Variants in ABCA1 observed in about 807,000 individuals in gnomAD.
ABCA1 encodes the protein phospholipid-transporting ATPase ABCA1.
ABCA1 carries 133 observed loss-of-function variants against 262.5 expected under a neutral mutation model. The ratio of observed to expected loss-of-function variants is 0.51; its 90% CI spans 0.44 to 0.59. ABCA1 has a LOEUF of 0.59. ABCA1 is among the 20% of genes least tolerant of loss of function. The pLI is 0.00. For missense variants in ABCA1, 2,452 were observed against 2,777.5 expected (o/e 0.88, Z 2.63); for synonymous variants, 1,022 against 1,043.5 (o/e 0.98, Z 0.40).
At chr9:104,829,194 G>A (rs1305979502) in intron 14 of ABCA1, 56 bp from the exon 15 acceptor site, 26 of 1,578,994 alleles carry the variant, frequency 1.6e-5, no homozygotes, top group Non-Finnish European at 2.2e-5. Flanking sequence ...GAGCCAGGGT[G>A]ATGGGCCAAG....
intron 3 of ABCA1, among the ~76,000 whole-genome samples, chr9:104,886,444 A>C (rs1405068442): frequency 6.6e-6 from 1 of 152,210 alleles, no homozygotes; most frequent in Non-Finnish European, 1.5e-5. Context: ...TTGAACATTT[A>C]CACAGTTAAT....
Position 104,858,586 on chromosome 9 carries a change from C to T in ABCA1, c.656G>A (p.Arg219Lys), listed in dbSNP as rs2230806. ...QEVSELCGLP[R>K]EKLAAAERVL... ...TCGCTCTGCTGCAGCCAGTTTCTCCCTTGGTAGGCCACAAAGCTCAGAAAC... is the reference window on the plus strand; with the variant it reads ...TCGCTCTGCTGCAGCCAGTTTCTCCTTTGGTAGGCCACAAAGCTCAGAAAC... Residue 219 changes from arginine (R) to lysine (K), a missense_variant, in exon 7 of 50, where the codon AGG (arginine) becomes AAG (lysine). Transcript: ENST00000374736. 486,827 of 1,613,856 alleles carry T rather than the reference C, an allele frequency of 0.3. 80,178 individuals carry two copies. Among genetic ancestry groups the T allele is most frequent in the African/African-American group, 0.64 (47,609 of 74,940 alleles).
At chr9:104,860,533 C>T (rs1048484482) in intron 6 of ABCA1, among the ~76,000 whole-genome samples, 2 of 152,102 alleles carry the variant, frequency 1.3e-5, no homozygotes, top group Admixed American at 1.3e-4. Flanking sequence ...CTTGTAAAGA[C>T]AAGCTAGTAT....
At chr9:104,827,203 T>C in intron 15 of ABCA1, 34 bp from the exon 16 acceptor site, 1 of 1,556,446 alleles carries the variant, frequency 6.4e-7, no homozygotes, top group Non-Finnish European at 8.9e-7. Context: ...ATGTGCTGCC[T>C]CAACAATCCC....
chr9:104,906,468 G>C (rs1289785528), intron 1 of ABCA1, among the ~76,000 whole-genome samples: 1 of 152,142 alleles, frequency 6.6e-6, no homozygotes, highest in Admixed American at 6.5e-5. Context: ...CATGGAGAAG[G>C]TTGCTAAGAA....
intron 15 of ABCA1, 44 bp from the exon 16 acceptor site, chr9:104,827,213 C>T (rs1343202581): frequency 4.0e-6 from 6 of 1,501,840 alleles, no homozygotes; most frequent in Non-Finnish European, 5.6e-6. Context: ...TCAACAATCC[C>T]AAGCACTCAC....
Position 104,840,523 on chromosome 9 carries a change from G to A in ABCA1, c.814-4C>T, listed in dbSNP as rs1834272095. 6.2e-7 allele frequency: 1 copy of A among 1,609,546 alleles called. No homozygotes were observed. The highest frequency in any genetic ancestry group is 1.4e-5 in the African/African-American group (1 of 73,460). Reference sequence around the variant, plus strand: ...TCCAGCTTCTCATGCTGAACAGCTGGCGTCAGGGATGGGGACAGAAAGGAG... The same window carrying A: ...TCCAGCTTCTCATGCTGAACAGCTGACGTCAGGGATGGGGACAGAAAGGAG... On this transcript the variant is annotated splice_polypyrimidine_tract_variant and splice_region_variant and intron_variant, in intron 8 of 49. Transcript: ENST00000374736.
Position 104,887,222 on chromosome 9 carries a change from G to A in ABCA1, c.160+1880C>T, listed in dbSNP as rs1475983092. Among the ~76,000 whole-genome samples, 6 of 152,320 alleles carry A rather than the reference G, an allele frequency of 3.9e-5. No homozygotes were observed. The East Asian group carries it at 9.6e-4, about 24-fold the overall frequency. ...GAACCTGGGAGGCAGACATTGTAGT[G>A]AGCGGAGATTGCACTACTGCACTCC... On this transcript the variant is annotated intron_variant, in intron 3 of 49. Transcript: ENST00000374736.
intron 6 of ABCA1, among the ~76,000 whole-genome samples, chr9:104,860,060 A>G (rs1202466341): frequency 6.6e-6 from 1 of 151,846 alleles, no homozygotes; most frequent in East Asian, 1.9e-4. Context: ...ACTCAAAAAA[A>G]AAAAAAAAAA....
intron 28 of ABCA1, 33 bp from the exon 29 acceptor site, chr9:104,810,957 A>G: frequency 6.2e-7 from 1 of 1,613,872 alleles, no homozygotes; most frequent in Admixed American, 1.7e-5. Flanking sequence ...GCAGGGGGAC[A>G]GCAGGAAACG....
intron 10 of ABCA1, 108 bp from the exon 11 acceptor site, chr9:104,837,204 A>G (rs1030671780): frequency 1.9e-6 from 2 of 1,066,602 alleles, no homozygotes; most frequent in Non-Finnish European, 2.8e-6. Flanking sequence ...GCCCTGTGCC[A>G]GTCCTCCCCA....
At chr9:104,862,264 T>G (rs923520562) in intron 5 of ABCA1, among the ~76,000 whole-genome samples, 1 of 151,018 alleles carries the variant, frequency 6.6e-6, no homozygotes, top group Non-Finnish European at 1.5e-5. Flanking sequence ...TCACCATGAC[T>G]GGCAAATTTT....
chr9:104,916,416 C>G (rs1841846058), intron 1 of ABCA1, among the ~76,000 whole-genome samples: 1 of 152,162 alleles, frequency 6.6e-6, no homozygotes, highest in Non-Finnish European at 1.5e-5. Flanking sequence ...ATTGGACCAA[C>G]AGACAGGAGA....
At position 104,861,694 on chromosome 9, in the gene ABCA1, A is replaced by T. The variant is rs780811638; in HGVS notation, c.528T>A (p.Asp176Glu). The T allele has an allele frequency of 1.6e-5, 26 of 1,614,080 alleles. No individual in the cohort carries two copies. In the Middle Eastern group the frequency reaches 1.6e-3, roughly 102 times the overall value. The change falls in exon 6 of 50, where the codon GAT becomes GAA. Residue 176 changes from aspartate (D) to glutamate (E), a missense_variant. Asp to Glu is a conservative substitution (Grantham distance 45). Coordinates refer to ENST00000374736, the MANE Select transcript of ABCA1 (RefSeq NM_005502.4). ...ATCAGCTTACCTTGTGGAGAATGAC[A>T]TCAGCCCTCAGCATCTTGTCCACAG... ...KSTVDKMLRA[D>E]VILHKVFLQG...
intron 1 of ABCA1, among the ~76,000 whole-genome samples, chr9:104,919,648 C>T (rs1448849104): frequency 6.6e-6 from 1 of 151,910 alleles, no homozygotes; most frequent in Non-Finnish European, 1.5e-5. Flanking sequence ...AAATGATGTC[C>T]GAGATGGAGA....
Position 104,781,924 on chromosome 9 carries a change from T to C in ABCA1, c.*2391A>G, listed in dbSNP as rs955315626. 3.3e-5 allele frequency: 5 copies of C among 152,152 alleles called. No homozygotes were observed. The highest frequency in any genetic ancestry group is 1.2e-4 in the African/African-American group (5 of 41,444). 9.4% of individuals were successfully genotyped at this position (152,152 alleles called of 1,614,324 possible). A position where few individuals can be genotyped will look rare whatever the true frequency, so the allele number is the denominator to read the frequency against. On this transcript the variant is annotated 3_prime_UTR_variant, in exon 50 of 50. Transcript: ENST00000374736. ...TGTAAAAAATTACTATTTTAAAAGG[T>C]AACACAGTATTAATGAAGATGTATA...
rs575752265 is a variant in ABCA1, at chr9:104,911,946, G to A, written c.-92-8175C>T. On this transcript the variant is annotated intron_variant, in intron 1 of 49. Coordinates refer to ENST00000374736, the MANE Select transcript of ABCA1 (RefSeq NM_005502.4). ...CACACTGTCCGTTTAAAAATATATA[G>A]ATCCAGTGAATTTTATTAATTCCAA... Among the ~76,000 whole-genome samples, 24 of 152,256 alleles carry A rather than the reference G, an allele frequency of 1.6e-4. No homozygotes were observed. In the East Asian group the frequency reaches 4.4e-3, roughly 28 times the overall value.
Position 104,788,030 on chromosome 9 carries a change from G to T in ABCA1, c.6094C>A (p.Leu2032Met), listed in dbSNP as rs368951069. 11 of 1,614,046 alleles carry T rather than the reference G, an allele frequency of 6.8e-6. No individual in the cohort carries two copies. The African/African-American group carries it at 1.5e-4, about 22-fold the overall frequency. The change falls in exon 46 of 50, where the codon CTG becomes ATG. Residue 2032 changes from leucine (L) to methionine (M), a missense_variant. By Grantham distance (15) the Leu-to-Met change is conservative. Around this residue, in one of 4 missense-constraint regions of ABCA1, gnomAD observed 752 missense variants for 944.5 expected, o/e 0.80. Transcript: ENST00000374736. ...TTTTCTCCATACTTCACGAGGCCCA[G>T]TTTCCGAATCGCCCACTCACCAACC... Reference protein sequence around the residue: ...GKVGEWAIRKLGLVKYGEKYA... With the variant: ...GKVGEWAIRKMGLVKYGEKYA...
At chr9:104,855,148 A>G in intron 7 of ABCA1, 1 of 985,216 alleles carries the variant, frequency 1.0e-6, no homozygotes, top group Admixed American at 6.1e-5. Context: ...CACCAGGACC[A>G]CTTCGCTTGG....
Sources: allele counts gnomAD v4.1 joint callset (sites outside exome capture counted in the v4.1 genomes callset), GRCh38; gene constraint gnomAD v4.1.1; regional missense constraint gnomAD v4.1.1; transcripts MANE v1.5; gene names NCBI Gene and HGNC (gene_info 2026-07-23, HGNC 2026-07-21).